Variants in SEC14L1 observed in about 807,000 individuals in gnomAD.
The protein encoded by SEC14L1 is SEC14 like lipid binding 1.
Under a neutral mutation model 85.3 loss-of-function variants are expected in SEC14L1, and 48 were observed. The observed-to-expected ratio is 0.56, with a 90% CI of 0.45 to 0.72. SEC14L1 has a LOEUF of 0.72. SEC14L1 is among the 30% of genes least tolerant of loss of function. The probability of loss-of-function intolerance (pLI) is 0.00; values close to 1 mark genes in which losing one functional copy is unlikely to be tolerated. For missense variants in SEC14L1, 682 were observed against 921.4 expected, an observed-to-expected ratio of 0.74 and a Z score of 3.36; for synonymous variants, 391 against 355.5, an observed-to-expected ratio of 1.10 and a Z score of -1.12.
intron 2 of SEC14L1, chr17:77,089,609 C>T (rs1218294762): frequency 4.6e-6 from 2 of 435,810 alleles, no homozygotes; most frequent in Non-Finnish European, 9.1e-6. Context: ...GATACATTGG[C>T]CTGACATCAT....
At chr17:77,097,930 A>G (rs548279855) in intron 3 of SEC14L1, among the ~76,000 whole-genome samples, 1 of 152,222 alleles carries the variant, frequency 6.6e-6, no homozygotes, top group South Asian at 2.1e-4. Flanking sequence ...GCAATTTTAG[A>G]TGGGTGGCCT....
intron 10 of SEC14L1, 104 bp from the exon 11 acceptor site, chr17:77,205,172 A>T (rs1039682077): frequency 1.1e-5 from 10 of 949,528 alleles, no homozygotes; most frequent in Admixed American, 4.4e-5. Context: ...TTTGATTTAC[A>T]TGCTTATCTG....
chr17:77,160,819 T>A (rs1974024089), intron 3 of SEC14L1, among the ~76,000 whole-genome samples: 1 of 152,218 alleles, frequency 6.6e-6, no homozygotes, highest in Non-Finnish European at 1.5e-5. Context: ...TTAGCTTTTA[T>A]TTTTTGTGGA....
At position 77,206,473 on chromosome 17, in the gene SEC14L1, T is replaced by C; in HGVS notation, c.1341+73T>C. ...GATAACATGCATTCATATACACGTG[T>C]CTGTGACCTAAAGTCTTAACTTCTT... is the stretch of plus-strand genomic sequence containing the variant. On this transcript the variant is annotated intron_variant, in intron 12 of 16. Transcript: ENST00000436233. The surrounding 1 kb of genome is among the most constrained non-coding windows in gnomAD (Gnocchi z 4.3). 6.7e-7 allele frequency: 1 copy of C among 1,487,976 alleles called. No homozygotes were observed. The allele number at this position is 1,487,976 out of a possible 1,614,324, so 92.2% of individuals were successfully genotyped here.
chr17:77,141,694 A>C (rs1335946164), intron 1 of SEC14L1: 2 of 152,232 alleles, frequency 1.3e-5, no homozygotes, highest in African/African-American at 4.8e-5. Flanking sequence ...GCTGTGGTTC[A>C]CAAGCTCGTG....
At chr17:77,205,969 C>A (rs1042953399) in intron 11 of SEC14L1, among the ~76,000 whole-genome samples, 2 of 152,150 alleles carry the variant, frequency 1.3e-5, no homozygotes, top group Non-Finnish European at 2.9e-5. Context: ...GCTCACTGAG[C>A]ATATCTGAGA....
chr17:77,186,540 A>G (rs1220443465), intron 3 of SEC14L1, among the ~76,000 whole-genome samples: 2 of 152,184 alleles, frequency 1.3e-5, no homozygotes, highest in Non-Finnish European at 2.9e-5. Context: ...ACTGACTACC[A>G]TGGTCCCTTG....
Position 77,215,502 on chromosome 17 carries a change from TGGA to T in SEC14L1, c.*1482_*1484del. On this transcript the variant is annotated 3_prime_UTR_variant, in exon 17 of 17. Transcript: ENST00000436233. ...GGTGCTGCGTGACTGGAGAGCTGTG[TGGA>T]GGCCATGTGTGCCCCGTGCAGGGAT... 1 of 985,886 alleles carries T rather than the reference TGGA, an allele frequency of 1.0e-6. No individual in the cohort carries two copies. The highest frequency in any genetic ancestry group is 1.2e-6 in the Non-Finnish European group (1 of 830,234). 61.1% of individuals were successfully genotyped at this position (985,886 alleles called of 1,614,324 possible).
intron 3 of SEC14L1, among the ~76,000 whole-genome samples, chr17:77,151,684 C>T (rs541419781): frequency 4.7e-4 from 72 of 152,240 alleles, no homozygotes; most frequent in African/African-American, 1.7e-3. Flanking sequence ...ATGCCATTTA[C>T]CCATCACCCA....
chr17:77,190,671 G>A, intron 3 of SEC14L1, 132 bp from the exon 4 acceptor site: 1 of 822,984 alleles, frequency 1.2e-6, no homozygotes, highest in Non-Finnish European at 2.0e-6. Context: ...GAAAGCTTCA[G>A]ATGTGAAGAC....
At chr17:77,096,450 G>A (rs1023034041) in intron 3 of SEC14L1, among the ~76,000 whole-genome samples, 6 of 151,746 alleles carry the variant, frequency 4.0e-5, no homozygotes, top group African/African-American at 7.3e-5. Context: ...CCAGCTACTC[G>A]GGAGGCTGAG....
At chr17:77,207,377 T>G (rs553908029) in intron 13 of SEC14L1, among the ~76,000 whole-genome samples, 1 of 151,730 alleles carries the variant, frequency 6.6e-6, no homozygotes, top group Non-Finnish European at 1.5e-5. Flanking sequence ...ACTGTAGGCG[T>G]GCACCACCAT....
In SEC14L1 at chr17:77,209,338, C is replaced by T. The variant is rs956681342; in HGVS notation, c.1477-4C>T. 1 of 1,613,860 alleles carries T rather than the reference C, an allele frequency of 6.2e-7. No homozygotes were observed. The highest frequency in any genetic ancestry group is 8.5e-7 in the Non-Finnish European group (1 of 1,179,946). ...AGGTTTCACTGCTGTGTTTCTTCTT[C>T]CAGTGCGAAGTGCCAGAGGGTGGAC... is the stretch of plus-strand genomic sequence containing the variant. On this transcript the variant is annotated splice_region_variant and splice_polypyrimidine_tract_variant and intron_variant, in intron 13 of 16. Coordinates refer to ENST00000436233, the MANE Select transcript of SEC14L1 (RefSeq NM_001143998.2).
chr17:77,102,794 A>C (rs866448975), intron 3 of SEC14L1, among the ~76,000 whole-genome samples: 4 of 151,942 alleles, frequency 2.6e-5, no homozygotes, highest in Admixed American at 2.6e-4. Flanking sequence ...ATAAGCCACC[A>C]TGTCTGGCCT....
At chr17:77,149,874 T>A (rs74515042) in intron 3 of SEC14L1, among the ~76,000 whole-genome samples, 174 of 151,116 alleles carry the variant, frequency 1.2e-3, no homozygotes, top group East Asian at 4.1e-3. Flanking sequence ...TTTTTTTTTT[T>A]AATTTTCGTA....
At chr17:77,159,412 G>T (rs1426690662) in intron 3 of SEC14L1, among the ~76,000 whole-genome samples, 2 of 121,768 alleles carry the variant, frequency 1.6e-5, no homozygotes, top group Non-Finnish European at 1.7e-5. Flanking sequence ...ACAGAGTCTC[G>T]CTCTGTTGCC....
intron 3 of SEC14L1, among the ~76,000 whole-genome samples, chr17:77,098,651 C>T (rs1332091732): frequency 2.0e-5 from 3 of 152,150 alleles, no homozygotes; most frequent in Non-Finnish European, 2.9e-5. Context: ...ATAAAGATCG[C>T]GTGCCCTTCA....
chr17:77,184,539 C>T (rs1358990585), intron 3 of SEC14L1, among the ~76,000 whole-genome samples: 2 of 151,968 alleles, frequency 1.3e-5, no homozygotes, highest in Admixed American at 6.6e-5. Flanking sequence ...TCAAATTATC[C>T]CAGACTTGGT....
At chr17:77,128,376 A>T (rs2143434161) in intron 3 of SEC14L1, among the ~76,000 whole-genome samples, 1 of 128,646 alleles carries the variant, frequency 7.8e-6, no homozygotes, top group African/African-American at 2.8e-5. Context: ...CAAGTTATGC[A>T]TTCACACTTG....
Sources: allele counts gnomAD v4.1 joint callset (sites outside exome capture counted in the v4.1 genomes callset), GRCh38; gene constraint gnomAD v4.1.1; non-coding constraint Gnocchi (gnomAD v3.1); transcripts MANE v1.5; gene names NCBI Gene and HGNC (gene_info 2026-07-23, HGNC 2026-07-21).